The following EXOC6B variants were observed in gnomAD, a reference collection of about 807,000 sequenced individuals.
EXOC6B encodes SEC15 homolog B.
In EXOC6B, 54 loss-of-function variants were observed where a neutral mutation model predicts 113.5. That is an observed-to-expected ratio of 0.48 (90% CI 0.38 to 0.60). The LOEUF is 0.60. EXOC6B is among the 20% of genes least tolerant of loss of function. The pLI is 0.00. For synonymous variants in EXOC6B, 357 were observed against 339.0 expected (o/e 1.05, Z -0.58); for missense variants, 797 against 977.5 (o/e 0.82, Z 2.46).
At chr2:72,265,733 T>C (rs1470144381) in intron 20 of EXOC6B, among the ~76,000 whole-genome samples, 2 of 151,992 alleles carry the variant, frequency 1.3e-5, no homozygotes, top group Non-Finnish European at 1.5e-5. Flanking sequence ...TGTGTCTTTA[T>C]AGCAGCATGA....
intron 6 of EXOC6B, among the ~76,000 whole-genome samples, chr2:72,691,600 A>C (rs1677482875): frequency 1.3e-5 from 2 of 152,062 alleles, no homozygotes; most frequent in South Asian, 4.1e-4. Context: ...ATATGGGTAA[A>C]AAAAATTTAA....
chr2:72,349,040 C>CAT (rs1689498957), intron 19 of EXOC6B, among the ~76,000 whole-genome samples: 1 of 152,128 alleles, frequency 6.6e-6, no homozygotes, highest in Admixed American at 6.6e-5. Flanking sequence ...AGAAAATGAA[C>CAT]ATATCATTGG....
At chr2:72,287,212 G>A (rs929420734) in intron 20 of EXOC6B, among the ~76,000 whole-genome samples, 8 of 151,860 alleles carry the variant, frequency 5.3e-5, no homozygotes, top group Non-Finnish European at 7.4e-5. Flanking sequence ...GGCAGATCAC[G>A]AGGTCAGGAG....
chr2:72,237,264 G>A (rs1414470336), intron 20 of EXOC6B, among the ~76,000 whole-genome samples: 1 of 152,168 alleles, frequency 6.6e-6, no homozygotes, highest in African/African-American at 2.4e-5. Context: ...AAGCTAGCAA[G>A]GCATGTGTGC....
intron 6 of EXOC6B, among the ~76,000 whole-genome samples, chr2:72,587,527 A>T (rs1705666719): frequency 6.6e-6 from 1 of 152,190 alleles, no homozygotes; most frequent in Non-Finnish European, 1.5e-5. Flanking sequence ...TCACACGTGT[A>T]ACAAACCTGC....
intron 1 of EXOC6B, among the ~76,000 whole-genome samples, chr2:72,796,409 T>C (rs1489345281): frequency 6.8e-6 from 1 of 146,770 alleles, no homozygotes; most frequent in African/African-American, 2.5e-5. Context: ...GCTGAAATCA[T>C]GCCACTGCAC....
intron 18 of EXOC6B, among the ~76,000 whole-genome samples, chr2:72,419,957 G>C (rs1419831190): frequency 3.9e-5 from 6 of 152,054 alleles, no homozygotes; most frequent in Non-Finnish European, 8.8e-5. Flanking sequence ...GTGTCCCATA[G>C]GTCCCTTGGG....
chr2:72,807,617 G>A (rs1172542041), intron 1 of EXOC6B, among the ~76,000 whole-genome samples: 2 of 152,120 alleles, frequency 1.3e-5, no homozygotes, highest in African/African-American at 4.8e-5. Context: ...CAGATGAATG[G>A]ATAATGAAAA....
At chr2:72,276,950 T>C (rs1225688403) in intron 20 of EXOC6B, among the ~76,000 whole-genome samples, 1 of 152,198 alleles carries the variant, frequency 6.6e-6, no homozygotes, top group Non-Finnish European at 1.5e-5. Context: ...CAATCTTCTT[T>C]GATAAAACGA....
intron 18 of EXOC6B, among the ~76,000 whole-genome samples, chr2:72,441,595 C>T (rs1696205152): frequency 6.6e-6 from 1 of 152,130 alleles, no homozygotes; most frequent in Non-Finnish European, 1.5e-5. Flanking sequence ...AAATAACCAT[C>T]AGAGAATATT....
At chr2:72,289,960 A>G (rs1163343958) in intron 20 of EXOC6B, among the ~76,000 whole-genome samples, 1 of 152,222 alleles carries the variant, frequency 6.6e-6, no homozygotes, top group African/African-American at 2.4e-5. Context: ...AAAAAACCAC[A>G]AAGGTTGACT....
intron 7 of EXOC6B, among the ~76,000 whole-genome samples, chr2:72,574,306 A>G (rs1247584930): frequency 6.6e-6 from 1 of 152,184 alleles, no homozygotes; most frequent in Non-Finnish European, 1.5e-5. Flanking sequence ...CAATAGAGAT[A>G]CATAACAGAA....
intron 20 of EXOC6B, among the ~76,000 whole-genome samples, chr2:72,196,703 G>A: frequency 6.6e-6 from 1 of 152,170 alleles, no homozygotes; most frequent in East Asian, 1.9e-4. Flanking sequence ...GTAAACACTA[G>A]TTCCCAGGAA....
At chr2:72,622,057 GA>G (rs1425444041) in intron 6 of EXOC6B, among the ~76,000 whole-genome samples, 1 of 151,428 alleles carries the variant, frequency 6.6e-6, no homozygotes, top group Non-Finnish European at 1.5e-5. Context: ...AAAAAAGAAA[GA>G]AAAAAATTAT....
chr2:72,554,538 T>C (rs1703425476), intron 8 of EXOC6B, among the ~76,000 whole-genome samples: 1 of 152,178 alleles, frequency 6.6e-6, no homozygotes, highest in Non-Finnish European at 1.5e-5. Flanking sequence ...TTCATTCTCT[T>C]TCCTGCCACC....
At chr2:72,609,858 A>G (rs1670969200) in intron 6 of EXOC6B, among the ~76,000 whole-genome samples, 1 of 152,184 alleles carries the variant, frequency 6.6e-6, no homozygotes, top group South Asian at 2.1e-4. Context: ...AAGGGAAAAC[A>G]TTAAGAACAG....
chr2:72,508,384 G>GT (rs1232628691), intron 11 of EXOC6B, among the ~76,000 whole-genome samples: 1 of 152,096 alleles, frequency 6.6e-6, no homozygotes, highest in Non-Finnish European at 1.5e-5. Context: ...TGGAAGGGTT[G>GT]TAACAAAGTG....
intron 1 of EXOC6B, among the ~76,000 whole-genome samples, chr2:72,757,685 T>C (rs371616092): frequency 1.1e-4 from 16 of 152,340 alleles, no homozygotes; most frequent in African/African-American, 3.1e-4. Flanking sequence ...TCTTTTGTTC[T>C]AGACAGCCTA....
At chr2:72,422,401 C>T (rs1483026050) in intron 18 of EXOC6B, among the ~76,000 whole-genome samples, 1 of 151,130 alleles carries the variant, frequency 6.6e-6, no homozygotes, top group Non-Finnish European at 1.5e-5. Flanking sequence ...AATTGACACT[C>T]TGTATCTAGC....
Sources: gnomAD v4.1 joint callset for allele counts (sites outside exome capture counted in the v4.1 genomes callset) on GRCh38, gnomAD v4.1.1 for gene constraint, MANE v1.5 for transcripts, NCBI Gene and HGNC (gene_info 2026-07-23, HGNC 2026-07-21) for gene names.